Variants in COMMD1 observed in about 807,000 individuals in gnomAD.
COMMD1 encodes the protein COMM domain-containing protein 1.
In COMMD1, 10 loss-of-function variants were observed where a neutral mutation model predicts 17.2. That is an observed-to-expected ratio of 0.58 (90% CI 0.36 to 0.99). The LOEUF is 0.99. COMMD1 is among the 50% of genes least tolerant of loss of function. The probability of loss-of-function intolerance (pLI) is 0.01; values close to 1 mark genes in which losing one functional copy is unlikely to be tolerated. For synonymous variants in COMMD1, 97 were observed against 91.6 expected (o/e 1.06, Z -0.34); for missense variants, 270 against 231.8 (o/e 1.17, Z -1.07).
chr2:61,918,080 C>CT (rs1670095214), intron 1 of COMMD1, among the ~76,000 whole-genome samples: 1 of 152,150 alleles, frequency 6.6e-6, no homozygotes, highest in African/African-American at 2.4e-5. Flanking sequence ...ATAAAGTATG[C>CT]TAGAAGCAAC....
chr2:61,955,260 A>AGGAGGATTGCTAGAGCTGAGGT (rs1558535504), intron 1 of COMMD1, among the ~76,000 whole-genome samples: 2 of 151,758 alleles, frequency 1.3e-5, no homozygotes, highest in Non-Finnish European at 2.9e-5. Context: ...AGGCTGAGGC[A>AGGAGGATTGCTAGAGCTGAGGT]GGAGGATTGC....
intron 2 of COMMD1, chr2:62,090,715 C>T (rs988745854): frequency 2.6e-5 from 4 of 152,146 alleles, no homozygotes; most frequent in Non-Finnish European, 4.4e-5. Flanking sequence ...TGTTATGTCC[C>T]GTTGGATATT....
intron 2 of COMMD1, among the ~76,000 whole-genome samples, chr2:62,018,951 C>G (rs1007197868): frequency 1.3e-5 from 2 of 152,024 alleles, no homozygotes; most frequent in Admixed American, 6.6e-5. Flanking sequence ...CTCCAGAGAG[C>G]AGGAGCACTG....
intron 1 of COMMD1, among the ~76,000 whole-genome samples, chr2:61,962,349 A>G (rs1671363309): frequency 6.6e-6 from 1 of 152,136 alleles, no homozygotes; most frequent in Non-Finnish European, 1.5e-5. Context: ...TTCTTCCGTG[A>G]TAGGAGTGTC....
rs546795458 is a variant in COMMD1, at chr2:62,115,353, C to T, written c.463-20478C>T. On this transcript the variant is annotated intron_variant, in intron 2 of 2. Transcript: ENST00000311832. ...ACATTTTTAAGATCATTAAATTTTC[C>T]ACTGATTCAGAGGAGGGAGAGGCCT... is the stretch of plus-strand genomic sequence containing the variant. Among the ~76,000 whole-genome samples, 3 of 152,296 alleles carry T rather than the reference C, an allele frequency of 2.0e-5. No individual in the cohort carries two copies. The East Asian group carries it at 5.8e-4, about 29-fold the overall frequency.
chr2:62,125,314 T>A (rs1354383528), intron 2 of COMMD1, among the ~76,000 whole-genome samples: 2 of 152,242 alleles, frequency 1.3e-5, no homozygotes, highest in African/African-American at 4.8e-5. Context: ...TAGTCCCACA[T>A]AGCTCTCATC....
intron 2 of COMMD1, among the ~76,000 whole-genome samples, chr2:62,111,123 T>A (rs1390806839): frequency 6.6e-6 from 1 of 152,180 alleles, no homozygotes; most frequent in Non-Finnish European, 1.5e-5. Context: ...GAGATTTTCT[T>A]TATAGATGTG....
At chr2:61,974,237 T>C (rs1420735356) in intron 1 of COMMD1, among the ~76,000 whole-genome samples, 4 of 152,044 alleles carry the variant, frequency 2.6e-5, no homozygotes, top group Admixed American at 1.3e-4. Flanking sequence ...GAGGTTGCAC[T>C]GAGCTGCTGC....
intron 2 of COMMD1, among the ~76,000 whole-genome samples, chr2:62,110,439 C>A (rs1190393601): frequency 6.6e-6 from 1 of 152,180 alleles, no homozygotes; most frequent in Non-Finnish European, 1.5e-5. Context: ...GTATAAGACA[C>A]TGAATTAGTT....
chr2:62,019,101 TTCCCTCCC>T (rs767718400), intron 2 of COMMD1, among the ~76,000 whole-genome samples: 4,684 of 88,098 alleles, frequency 0.053, 369 homozygotes, highest in African/African-American at 0.18. Flanking sequence ...TCTCTCTCTC[TTCCCTCCC>T]TCCCTCCCTC....
At chr2:61,953,199 G>C (rs938573309) in intron 1 of COMMD1, among the ~76,000 whole-genome samples, 1 of 151,878 alleles carries the variant, frequency 6.6e-6, no homozygotes, top group African/African-American at 2.4e-5. Context: ...TAGTGGTGAC[G>C]GGGTTTCACC....
At chr2:61,942,189 C>T (rs536277069) in intron 1 of COMMD1, among the ~76,000 whole-genome samples, 14 of 151,364 alleles carry the variant, frequency 9.2e-5, no homozygotes, top group Non-Finnish European at 1.3e-4. Flanking sequence ...CTGCAACCTC[C>T]GCCTCCTAGG....
intron 1 of COMMD1, among the ~76,000 whole-genome samples, chr2:61,976,649 C>A (rs2103739692): frequency 6.6e-6 from 1 of 152,240 alleles, no homozygotes; most frequent in South Asian, 2.1e-4. Context: ...TGAACAGGAT[C>A]ATTAATCAAC....
At chr2:62,123,800 T>C (rs1390054732) in intron 2 of COMMD1, among the ~76,000 whole-genome samples, 1 of 151,954 alleles carries the variant, frequency 6.6e-6, no homozygotes, top group African/African-American at 2.4e-5. Context: ...TCATTCTTCC[T>C]GGGAGAAAAT....
intron 1 of COMMD1, among the ~76,000 whole-genome samples, chr2:61,983,197 T>TC (rs1284097167): frequency 2.0e-5 from 3 of 151,092 alleles, no homozygotes; most frequent in African/African-American, 7.3e-5. Flanking sequence ...GCATTTTTTT[T>TC]TTTTTTTTTT....
intron 2 of COMMD1, among the ~76,000 whole-genome samples, chr2:62,015,149 A>G (rs771945625): frequency 1.1e-4 from 16 of 152,200 alleles, no homozygotes; most frequent in Non-Finnish European, 1.6e-4. Context: ...AATCCCAAAC[A>G]GAAATTCAGT....
At chr2:61,970,226 C>A (rs1189476590) in intron 1 of COMMD1, among the ~76,000 whole-genome samples, 1 of 150,658 alleles carries the variant, frequency 6.6e-6, no homozygotes, top group Non-Finnish European at 1.5e-5. Context: ...CCGCTGCATT[C>A]CATCCAGCCT....
intron 1 of COMMD1, among the ~76,000 whole-genome samples, chr2:61,933,245 G>A (rs1018476421): frequency 7.3e-5 from 11 of 151,602 alleles, no homozygotes; most frequent in Admixed American, 1.3e-4. Context: ...ATGCTCAGCC[G>A]CTTGTATCCA....
chr2:61,969,092 G>A, intron 1 of COMMD1: 1 of 415,722 alleles, frequency 2.4e-6, no homozygotes, highest in African/African-American at 2.1e-5. Context: ...CTGAGCAGCT[G>A]GGACTACAGG....
Sources: allele counts gnomAD v4.1 joint callset (sites outside exome capture counted in the v4.1 genomes callset), GRCh38; gene constraint gnomAD v4.1.1; transcripts MANE v1.5; gene names NCBI Gene and HGNC (gene_info 2026-07-23, HGNC 2026-07-21).